Variants in TNS1 observed in about 807,000 individuals in gnomAD.
TNS1 encodes the protein tensin-1.
Under a neutral mutation model 168.6 loss-of-function variants are expected in TNS1, and 62 were observed. That is an observed-to-expected ratio of 0.37 (90% CI 0.30 to 0.45). The LOEUF (loss-of-function observed/expected upper bound fraction) is 0.45, where lower values mean the gene tolerates loss of function less well. Among genes scored for constraint, TNS1 ranks in the 20% least tolerant of loss-of-function variants. The pLI, the probability that TNS1 is intolerant of heterozygous loss-of-function variation, is 1.00. For synonymous variants in TNS1, 934 were observed against 933.2 expected (o/e 1.00, Z -0.02); for missense variants, 2,240 against 2,339.4 (o/e 0.96, Z 0.88).
At position 217,887,978 on chromosome 2, in the gene TNS1, G is replaced by A. The variant is rs960150687; in HGVS notation, c.867-1332C>T. Among the ~76,000 whole-genome samples the A allele has an allele frequency of 7.9e-5, 12 of 152,202 alleles. 1 individual carries two copies. The highest frequency in any genetic ancestry group is 2.9e-4 in the African/African-American group (12 of 41,442). ...TAGCTCTCTGAAGAGGGTGGAACTA[G>A]AGCCCACATGACCATGATAAGATCC... On this transcript the variant is annotated intron_variant, in intron 12 of 32. Transcript: ENST00000682258.
At chr2:217,869,726 G>C (rs921599235) in intron 18 of TNS1, among the ~76,000 whole-genome samples, 6 of 152,184 alleles carry the variant, frequency 3.9e-5, no homozygotes, top group Non-Finnish European at 7.4e-5. Flanking sequence ...TTGAAAAACT[G>C]AAAGCAAAAC....
chr2:217,808,822 TTGACAC>T, intron 30 of TNS1, 151 bp from the exon 31 acceptor site: 2 of 680,666 alleles, frequency 2.9e-6, no homozygotes, highest in South Asian at 1.8e-5. Flanking sequence ...GCCTGAGCTG[TTGACAC>T]TGGTGACCCA....
In TNS1 at chr2:217,803,323, C is replaced by G. The variant is rs1281358785; in HGVS notation, c.*1136G>C. ...AGCAGCAAGACTCAATCCCCAGCCC[C>G]CAAAAAGGCATCATGCAGGTAAGCA... On this transcript the variant is annotated 3_prime_UTR_variant, in exon 33 of 33. Coordinates refer to ENST00000682258, the MANE Select transcript of TNS1 (RefSeq NM_001387777.1). The G allele has an allele frequency of 6.6e-6, 1 of 152,274 alleles. No homozygotes were observed. Among genetic ancestry groups the G allele is most frequent in the Non-Finnish European group, 1.5e-5 (1 of 68,132 alleles). The allele number at this position is 152,274 out of a possible 1,614,324, so 9.4% of individuals were successfully genotyped here. A position where few individuals can be genotyped will look rare whatever the true frequency, so the allele number is the denominator to read the frequency against.
rs574715173 is a variant in TNS1, at chr2:217,850,224, C to T, written c.1430-1137G>A. ...AGCCCGGGGGCCCCTGAAGAACAGG[C>T]CAAGGTGGGGCTCAGCCAAGCCAAC... On this transcript the variant is annotated intron_variant, in intron 18 of 32. Transcript: ENST00000682258. 52 of 985,390 alleles carry T rather than the reference C, an allele frequency of 5.3e-5. No homozygotes were observed. In the African/African-American group the frequency reaches 7.8e-4, roughly 15 times the overall value. The allele number at this position is 985,390 out of a possible 1,614,324, so 61.0% of individuals were successfully genotyped here. A position where few individuals can be genotyped will look rare whatever the true frequency, so the allele number is the denominator to read the frequency against.
At chr2:218,024,086 G>A (rs971266888) in intron 1 of TNS1, among the ~76,000 whole-genome samples, 1 of 152,214 alleles carries the variant, frequency 6.6e-6, no homozygotes, top group Admixed American at 6.5e-5. Flanking sequence ...GTGGGCTCTA[G>A]TCTGCCCATT....
At chr2:218,017,080 C>T (rs971305518) in intron 1 of TNS1, among the ~76,000 whole-genome samples, 2 of 152,214 alleles carry the variant, frequency 1.3e-5, no homozygotes, top group African/African-American at 4.8e-5. Flanking sequence ...ACTCCTGCCT[C>T]CCCAGGCTCA....
At chr2:217,973,103 C>T (rs558547323) in intron 3 of TNS1, among the ~76,000 whole-genome samples, 5 of 152,068 alleles carry the variant, frequency 3.3e-5, no homozygotes, top group Non-Finnish European at 5.9e-5. Flanking sequence ...CCTGTAATCT[C>T]AGCACTTTGG....
chr2:217,917,829 C>CA (rs79888115), intron 4 of TNS1, among the ~76,000 whole-genome samples: 1,886 of 75,704 alleles, frequency 0.025, 56 homozygotes, highest in African/African-American at 0.049. Flanking sequence ...AGACTGTTCT[C>CA]AAAAAAAAAA....
chr2:217,941,359 G>A (rs1322402308), intron 3 of TNS1, among the ~76,000 whole-genome samples: 3 of 152,194 alleles, frequency 2.0e-5, no homozygotes, highest in South Asian at 2.1e-4. Context: ...ACACTGTCAC[G>A]CAGCCCACCA....
chr2:217,813,844 G>A lies in TNS1; in HGVS notation c.4730-28C>T, dbSNP rs373387155. ...GCATGGGGAAGGGACAAGGAGAGAGGAGGAAGCAAGACCTCGGTGGCGCTA... is the reference window on the plus strand; with the variant it reads ...GCATGGGGAAGGGACAAGGAGAGAGAAGGAAGCAAGACCTCGGTGGCGCTA... On this transcript the variant is annotated intron_variant, in intron 25 of 32. Transcript: ENST00000682258. The surrounding 1 kb of genome is among the most constrained non-coding windows in gnomAD (Gnocchi z 4.0). The A allele has an allele frequency of 7.6e-6, 12 of 1,568,912 alleles. No individual in the cohort carries two copies. The highest frequency in any genetic ancestry group is 4.1e-5 in the African/African-American group (3 of 73,122).
chr2:217,824,131 A>T (rs922895250), intron 22 of TNS1, among the ~76,000 whole-genome samples: 1 of 152,244 alleles, frequency 6.6e-6, no homozygotes, highest in Non-Finnish European at 1.5e-5. Context: ...AGACAACAGG[A>T]CAGTGAATGG....
At chr2:217,956,625 A>G (rs576682110) in intron 3 of TNS1, among the ~76,000 whole-genome samples, 1 of 152,186 alleles carries the variant, frequency 6.6e-6, no homozygotes, top group South Asian at 2.1e-4. Flanking sequence ...CTGCAGTTCT[A>G]AAGTCTGTGG....
At chr2:217,809,500 GATGC>G (rs1282240514) in intron 30 of TNS1, among the ~76,000 whole-genome samples, 3,211 of 31,454 alleles carry the variant, frequency 0.1, 1,356 homozygotes, top group Non-Finnish European at 0.12. Context: ...TGCATGGATG[GATGC>G]ATGGATGGAT....
Position 218,031,001 on chromosome 2 carries a change from TGA to T in TNS1, c.156+2817_156+2818del, listed in dbSNP as rs534603102. Among the ~76,000 whole-genome samples, 20 of 150,248 alleles carry T rather than the reference TGA, an allele frequency of 1.3e-4. 1 individual carries two copies. In the South Asian group the frequency reaches 3.1e-3, roughly 23 times the overall value. On this transcript the variant is annotated intron_variant, in intron 1 of 1. Transcript: ENST00000649572. ...GTGTGTATGAGTGTATGTATGAGTG[TGA>T]GTGTGGGAGTGTATGTGTGTATGTG...
At chr2:218,004,230 C>G (rs1355410034), upstream of TNS1, among the ~76,000 whole-genome samples, 1 of 152,246 alleles carries the variant, frequency 6.6e-6, no homozygotes, top group Non-Finnish European at 1.5e-5. Context: ...CATAAGAGCC[C>G]TCCCAGAGTA....
intron 4 of TNS1, among the ~76,000 whole-genome samples, chr2:217,908,259 CTA>C (rs1264778978): frequency 1.3e-5 from 2 of 152,116 alleles, no homozygotes; most frequent in Non-Finnish European, 2.9e-5. Context: ...GAAGGGCTTC[CTA>C]CTAAAGATGG....
chr2:217,968,592 T>C (rs1038707571), intron 3 of TNS1, among the ~76,000 whole-genome samples: 1 of 152,048 alleles, frequency 6.6e-6, no homozygotes, highest in African/African-American at 2.4e-5. Flanking sequence ...AAATATATAC[T>C]CTTAAAATTA....
intron 18 of TNS1, among the ~76,000 whole-genome samples, chr2:217,852,243 G>A (rs1947605040): frequency 6.6e-6 from 1 of 152,188 alleles, no homozygotes; most frequent in Non-Finnish European, 1.5e-5. Flanking sequence ...GTTCTCTTGA[G>A]GATGGGGCCC....
At chr2:217,888,676 A>C (rs1951449663) in intron 12 of TNS1, among the ~76,000 whole-genome samples, 1 of 151,294 alleles carries the variant, frequency 6.6e-6, no homozygotes, top group African/African-American at 2.4e-5. Context: ...GTAAGGGGAA[A>C]CCCCTTTCCC....
Sources: allele counts gnomAD v4.1 joint callset (sites outside exome capture counted in the v4.1 genomes callset), GRCh38; gene constraint gnomAD v4.1.1; non-coding constraint Gnocchi (gnomAD v3.1); transcripts MANE v1.5; gene names NCBI Gene and HGNC (gene_info 2026-07-23, HGNC 2026-07-21).